Variants in TAFA4 observed in about 807,000 individuals in gnomAD.
The protein encoded by TAFA4 is chemokine-like protein TAFA-4.
A neutral mutation model predicts 21.1 loss-of-function variants in TAFA4; 20 were observed. The ratio of observed to expected loss-of-function variants is 0.95; its 90% CI spans 0.67 to 1.38. The LOEUF is 1.38. Among genes scored for constraint, TAFA4 ranks in the 40% most tolerant of loss-of-function variants. The pLI, the probability that TAFA4 is intolerant of heterozygous loss-of-function variation, is 0.00. For synonymous variants in TAFA4, 71 were observed against 67.4 expected (o/e 1.05, Z -0.26); for missense variants, 211 against 180.9 (o/e 1.17, Z -0.95).
chr3:68,797,612 CAAAAAA>C (rs71112671), intron 3 of TAFA4, among the ~76,000 whole-genome samples: 1 of 75,948 alleles, frequency 1.3e-5, no homozygotes, highest in South Asian at 5.1e-4. Context: ...GACTCCATCT[CAAAAAA>C]AAAAAAAAAA....
At chr3:68,824,045 C>T (rs546254406) in intron 3 of TAFA4, among the ~76,000 whole-genome samples, 5 of 152,102 alleles carry the variant, frequency 3.3e-5, no homozygotes, top group Non-Finnish European at 7.4e-5. Flanking sequence ...GAGAAAGAAC[C>T]CCAGTGGTAT....
At chr3:68,891,343 C>T (rs2089728807) in intron 1 of TAFA4, among the ~76,000 whole-genome samples, 1 of 152,288 alleles carries the variant, frequency 6.6e-6, no homozygotes, top group South Asian at 2.1e-4. Context: ...AGCCCAAGTG[C>T]TACTAAACCA....
In TAFA4 at chr3:68,863,013, C is replaced by T. The variant is rs116628973; in HGVS notation, c.130+17717G>A. Among the ~76,000 whole-genome samples, 1,108 of 150,972 alleles carry T rather than the reference C, an allele frequency of 7.3e-3. 12 individuals are homozygous for T. The highest frequency in any genetic ancestry group is 0.026 in the African/African-American group (1,065 of 41,036). ...CTGTGGGAGTCCAAGGCTGACCAAT[C>T]GCTTGAGAGCAGGAGTTCAAAACCA... On this transcript the variant is annotated intron_variant, in intron 3 of 5. Transcript: ENST00000295569.
intron 3 of TAFA4, among the ~76,000 whole-genome samples, chr3:68,840,288 GC>G (rs1186751477): frequency 2.6e-5 from 4 of 152,152 alleles, no homozygotes; most frequent in African/African-American, 9.7e-5. Context: ...GCTCACTGCA[GC>G]CCCGACCTCC....
intron 3 of TAFA4, among the ~76,000 whole-genome samples, chr3:68,769,483 G>T (rs1307638893): frequency 2.0e-5 from 3 of 152,184 alleles, no homozygotes; most frequent in East Asian, 1.9e-4. Context: ...GTGCCAAAAA[G>T]GTTGGGGACC....
At chr3:68,879,293 A>G (rs1190907912) in intron 3 of TAFA4, among the ~76,000 whole-genome samples, 1 of 152,030 alleles carries the variant, frequency 6.6e-6, no homozygotes, top group East Asian at 1.9e-4. Flanking sequence ...CACTGCCCCA[A>G]TTAATTCTGG....
At chr3:68,877,771 T>C (rs1188359737) in intron 3 of TAFA4, among the ~76,000 whole-genome samples, 1 of 152,160 alleles carries the variant, frequency 6.6e-6, no homozygotes, top group Non-Finnish European at 1.5e-5. Context: ...TCTGACCACA[T>C]CTACCTACCC....
At chr3:68,847,762 A>G (rs193208422) in intron 3 of TAFA4, among the ~76,000 whole-genome samples, 5 of 152,348 alleles carry the variant, frequency 3.3e-5, no homozygotes, top group African/African-American at 9.6e-5. Context: ...AGCAGATTTG[A>G]ACACGGTAAG....
rs1702546579 is a variant in TAFA4, at chr3:68,750,891, C to T, written c.286+1972G>A. Among the ~76,000 whole-genome samples, 2 of 152,036 alleles carry T rather than the reference C, an allele frequency of 1.3e-5. 1 individual carries two copies. The highest frequency in any genetic ancestry group is 4.1e-4 in the South Asian group (2 of 4,826). On this transcript the variant is annotated intron_variant, in intron 4 of 5. Transcript: ENST00000295569. Reference sequence around the variant, plus strand: ...ACTGTACTAAAAGTTGTTTGTGGGCCAGCCAATGGGGAAAGATGAAAGTAA... The same window carrying T: ...ACTGTACTAAAAGTTGTTTGTGGGCTAGCCAATGGGGAAAGATGAAAGTAA...
intron 3 of TAFA4, among the ~76,000 whole-genome samples, chr3:68,844,097 A>T (rs1179352379): frequency 3.9e-5 from 6 of 152,184 alleles, no homozygotes; most frequent in African/African-American, 1.4e-4. Flanking sequence ...GAATGGTATC[A>T]GCTCCTCTTT....
chr3:68,874,517 G>A (rs1170789227), intron 3 of TAFA4, among the ~76,000 whole-genome samples: 1 of 152,116 alleles, frequency 6.6e-6, no homozygotes, highest in East Asian at 1.9e-4. Flanking sequence ...GTATTGACCT[G>A]TAGCTTTTTA....
chr3:68,868,235 TA>T (rs1403758684), intron 3 of TAFA4, among the ~76,000 whole-genome samples: 4 of 151,932 alleles, frequency 2.6e-5, no homozygotes, highest in Admixed American at 2.6e-4. Context: ...TCAAAGGTTG[TA>T]AAAGAGACAA....
intron 3 of TAFA4, among the ~76,000 whole-genome samples, chr3:68,832,777 T>C (rs895200457): frequency 4.6e-5 from 7 of 152,236 alleles, no homozygotes; most frequent in African/African-American, 1.7e-4. Context: ...TGTTCAGATA[T>C]GCCCTGCCTC....
At chr3:68,822,394 C>A (rs1256804354) in intron 3 of TAFA4, among the ~76,000 whole-genome samples, 1 of 152,180 alleles carries the variant, frequency 6.6e-6, no homozygotes, top group East Asian at 1.9e-4. Context: ...TTCTTATTCA[C>A]TCCTGGACAA....
chr3:68,822,475 TTC>T (rs374346953), intron 3 of TAFA4, among the ~76,000 whole-genome samples: 1 of 151,906 alleles, frequency 6.6e-6, no homozygotes, highest in African/African-American at 2.4e-5. Context: ...AATTCTTTTT[TTC>T]TCTCTCTCTC....
intron 3 of TAFA4, among the ~76,000 whole-genome samples, chr3:68,780,187 T>C (rs1257638204): frequency 1.3e-5 from 2 of 152,224 alleles, no homozygotes; most frequent in East Asian, 3.8e-4. Context: ...CCATTGTATA[T>C]AGGAAGTAAC....
chr3:68,896,210 G>A (rs1314515806), intron 1 of TAFA4, among the ~76,000 whole-genome samples: 6 of 152,276 alleles, frequency 3.9e-5, no homozygotes, highest in African/African-American at 1.4e-4. Context: ...GCCATAGTGT[G>A]CTGTTAGAAT....
chr3:68,905,514 A>G (rs969412331), intron 1 of TAFA4, among the ~76,000 whole-genome samples: 1 of 152,144 alleles, frequency 6.6e-6, no homozygotes, highest in Non-Finnish European at 1.5e-5. Context: ...TTAATATGTC[A>G]GATACTGACT....
chr3:68,739,742 G>GATCA (rs1476258673), intron 4 of TAFA4, among the ~76,000 whole-genome samples: 1 of 152,174 alleles, frequency 6.6e-6, no homozygotes, highest in African/African-American at 2.4e-5. Context: ...TGGAACTGGA[G>GATCA]ATCATTATCT....
Sources: allele counts gnomAD v4.1 joint callset (sites outside exome capture counted in the v4.1 genomes callset), GRCh38; gene constraint gnomAD v4.1.1; transcripts MANE v1.5; gene names NCBI Gene and HGNC (gene_info 2026-07-23, HGNC 2026-07-21).